OPA1: variants seen among roughly 807,000 people sequenced by gnomAD.
OPA1 encodes the protein OPA1 mitochondrial dynamin like GTPase, also known as dynamin-like GTPase OPA1, mitochondrial.
OPA1 carries 59 observed loss-of-function variants against 152.9 expected under a neutral mutation model. The ratio of observed to expected loss-of-function variants is 0.39; its 90% CI spans 0.31 to 0.48. OPA1 has a LOEUF of 0.48. OPA1 is among the 20% of genes least tolerant of loss of function. The pLI is 0.96. For synonymous variants in OPA1, 400 were observed against 389.9 expected, an observed-to-expected ratio of 1.03 and a Z score of -0.31; for missense variants, 1,008 against 1,216.8, an observed-to-expected ratio of 0.83 and a Z score of 2.55.
chr3:193,666,368 C>A lies in OPA1; in HGVS notation c.2851C>A (p.Gln951Lys). The A allele has an allele frequency of 6.2e-7, 1 of 1,613,798 alleles. No individual in the cohort carries two copies. Among genetic ancestry groups the A allele is most frequent in the Non-Finnish European group, 8.5e-7 (1 of 1,179,718 alleles). ...TGCTATCACCGCAAATACTTTAAGGCAACAACTTACAAATACTGAAGGTAA... is the reference window on the plus strand; with the variant it reads ...TGCTATCACCGCAAATACTTTAAGGAAACAACTTACAAATACTGAAGGTAA... ...MLAITANTLR[Q>K]QLTNTEVRRL... is the part of the protein sequence containing the mutation. Residue 951 changes from glutamine to lysine, a missense_variant, in exon 28 of 31, where the codon CAA (glutamine) becomes AAA (lysine). Around this residue, in one of 7 missense-constraint regions of OPA1, gnomAD observed 137 missense variants for 171.0 expected, o/e 0.80. Coordinates refer to ENST00000361510, the MANE Select transcript of OPA1 (RefSeq NM_130837.3).
At chr3:193,648,767 C>T in intron 20 of OPA1, 28 bp from the exon 21 acceptor site, 1 of 1,424,652 alleles carries the variant, frequency 7.0e-7, no homozygotes, top group Non-Finnish European at 9.9e-7. Context: ...TTATGGAAAT[C>T]TTACTTACTT....
intron 30 of OPA1, among the ~76,000 whole-genome samples, chr3:193,693,130 C>T (rs1007478843): frequency 3.9e-5 from 6 of 151,918 alleles, no homozygotes; most frequent in African/African-American, 1.5e-4. Context: ...AGGTTCCCTC[C>T]CTGGCTACGC....
intron 8 of OPA1, among the ~76,000 whole-genome samples, chr3:193,634,482 A>G (rs1431683791): frequency 6.6e-6 from 1 of 151,600 alleles, no homozygotes; most frequent in African/African-American, 2.4e-5. Flanking sequence ...CAGTGGTGCA[A>G]TCTTGGCTCG....
chr3:193,624,879 A>G (rs1230583774), intron 6 of OPA1, among the ~76,000 whole-genome samples: 1 of 151,964 alleles, frequency 6.6e-6, no homozygotes, highest in Non-Finnish European at 1.5e-5. Context: ...TATTTTGGGC[A>G]GTCATTTTTT....
chr3:193,605,219 TG>T (rs1727079315), intron 1 of OPA1, among the ~76,000 whole-genome samples: 1 of 152,200 alleles, frequency 6.6e-6, no homozygotes, highest in African/African-American at 2.4e-5. Flanking sequence ...GTGGACAACT[TG>T]GAATCAGTGG....
intron 1 of OPA1, among the ~76,000 whole-genome samples, chr3:193,611,554 G>T (rs281803): frequency 1.4e-5 from 2 of 140,376 alleles, no homozygotes; most frequent in African/African-American, 5.5e-5. Context: ...CCGAGATTGC[G>T]CCACTACACT....
rs1265633519 is a variant in OPA1, at chr3:193,614,970, G to A, written c.280G>A (p.Ala94Thr). ...PRRNFWPARL[A>T]TRLLKLRYLI... ...CAGGAATTTTTGGCCAGCAAGATTA[G>A]CTACGAGACTCTTAAAACTTCGCTA... Residue 94 changes from alanine to threonine, a missense_variant, in exon 2 of 31, where the codon GCT becomes ACT. Ala to Thr is a moderately conservative substitution (Grantham distance 58, BLOSUM62 0). Around this residue, in one of 7 missense-constraint regions of OPA1, gnomAD observed 408 missense variants for 395.1 expected, o/e 1.03. Transcript: ENST00000361510. 1 of 1,614,140 alleles carries A rather than the reference G, an allele frequency of 6.2e-7. No individual in the cohort carries two copies.
At chr3:193,616,122 C>G (rs1004405881) in intron 3 of OPA1, among the ~76,000 whole-genome samples, 1 of 152,188 alleles carries the variant, frequency 6.6e-6, no homozygotes, top group African/African-American at 2.4e-5. Flanking sequence ...AGTAGTCCTT[C>G]CGACTCTGCC....
intron 11 of OPA1, 68 bp from the exon 12 acceptor site, chr3:193,642,697 A>C: frequency 1.7e-6 from 2 of 1,188,276 alleles, no homozygotes; most frequent in Non-Finnish European, 2.5e-6. Context: ...TCTAGACCAC[A>C]TACGGGCTGT....
In OPA1 at chr3:193,618,936, G is replaced by T; in HGVS notation, c.678G>T (p.Lys226Asn). The T allele has an allele frequency of 6.2e-7, 1 of 1,611,878 alleles. No homozygotes were observed. The highest frequency in any genetic ancestry group is 2.2e-5 in the East Asian group (1 of 44,842). The part of the protein sequence containing the change: ...RGSESDKHFR[K>N]GLLGELILLQ... ...CTGAAAGTGACAAGCATTTTAGAAA[G>T]GTAAGTGTAAAAGAGAATTGTTCAT... The change falls in exon 6 of 31, where the codon AAG becomes AAT. Residue 226 changes from lysine to asparagine, a missense_variant and splice_region_variant. By Grantham distance (94) the Lys-to-Asn change is moderately conservative (BLOSUM62 0). Around this residue, in one of 7 missense-constraint regions of OPA1, gnomAD observed 408 missense variants for 395.1 expected, o/e 1.03. Coordinates refer to ENST00000361510, the MANE Select transcript of OPA1 (RefSeq NM_130837.3).
At chr3:193,628,025 T>C (rs556608137) in intron 7 of OPA1, among the ~76,000 whole-genome samples, 1 of 152,248 alleles carries the variant, frequency 6.6e-6, no homozygotes, top group Non-Finnish European at 1.5e-5. Context: ...CGAAAGACTG[T>C]TACCTTACAA....
At chr3:193,689,483 A>G (rs2109443831) in intron 29 of OPA1, among the ~76,000 whole-genome samples, 1 of 152,338 alleles carries the variant, frequency 6.6e-6, no homozygotes, top group East Asian at 1.9e-4. Flanking sequence ...AGTACATTAA[A>G]TAGTCTTTTT....
At chr3:193,600,434 A>G (rs1162323702) in intron 1 of OPA1, among the ~76,000 whole-genome samples, 1 of 152,236 alleles carries the variant, frequency 6.6e-6, no homozygotes, top group Non-Finnish European at 1.5e-5. Flanking sequence ...GCTGCATACA[A>G]AACATTTAAG....
chr3:193,601,732 A>T (rs528796770), intron 1 of OPA1, among the ~76,000 whole-genome samples: 11 of 152,140 alleles, frequency 7.2e-5, no homozygotes, highest in Admixed American at 2.0e-4. Context: ...CATCATTTGG[A>T]TTTGTTTTTT....
intron 29 of OPA1, among the ~76,000 whole-genome samples, chr3:193,671,299 G>A (rs980639790): frequency 6.6e-6 from 1 of 152,122 alleles, no homozygotes; most frequent in Non-Finnish European, 1.5e-5. Context: ...GACTCCTGAA[G>A]TACTTCTTAC....
Position 193,598,531 on chromosome 3 carries a change from A to C in OPA1, c.32+5122A>C, listed in dbSNP as rs73067633. On this transcript the variant is annotated intron_variant, in intron 1 of 30. Coordinates refer to ENST00000361510, the MANE Select transcript of OPA1 (RefSeq NM_130837.3). ...TATTTCCCTGGGTACAGGCAGAGAG[A>C]AAAACAATAAGGCTCATGTAGGGTT... Among the ~76,000 whole-genome samples the C allele has an allele frequency of 7.3e-3, 1,105 of 152,300 alleles. 9 individuals are homozygous for C. The highest frequency in any genetic ancestry group is 0.021 in the African/African-American group (892 of 41,556).
chr3:193,593,215 T>G lies in OPA1; in HGVS notation c.-163T>G. ...TGAGTACGGGTGCCTGTCAGGCTCT[T>G]GCGGAAGTCCATGCGCCATTGGGAG... On this transcript the variant is annotated 5_prime_UTR_variant, in exon 1 of 31. Transcript: ENST00000361510. 1 of 591,426 alleles carries G rather than the reference T, an allele frequency of 1.7e-6. No homozygotes were observed. The highest frequency in any genetic ancestry group is 2.9e-6 in the Non-Finnish European group (1 of 344,014). 36.6% of individuals were successfully genotyped at this position (591,426 alleles called of 1,614,324 possible).
intron 21 of OPA1, among the ~76,000 whole-genome samples, chr3:193,649,611 T>G (rs1280457850): frequency 6.6e-6 from 1 of 152,228 alleles, no homozygotes; most frequent in African/African-American, 2.4e-5. Flanking sequence ...TTGTAAATAT[T>G]TTCTGTACCT....
intron 6 of OPA1, among the ~76,000 whole-genome samples, chr3:193,621,588 A>T (rs150346967): frequency 7.7e-4 from 118 of 152,360 alleles, no homozygotes; most frequent in African/African-American, 2.7e-3. Flanking sequence ...TGTCATGTTG[A>T]TCAAAAGTTC....
Sources: gnomAD v4.1 joint callset for allele counts (sites outside exome capture counted in the v4.1 genomes callset) on GRCh38, gnomAD v4.1.1 for gene constraint, gnomAD v4.1.1 regional missense constraint, MANE v1.5 for transcripts, NCBI Gene and HGNC (gene_info 2026-07-23, HGNC 2026-07-21) for gene names.